The following BCL9 variants were observed in gnomAD, a reference collection of about 807,000 sequenced individuals.
BCL9 encodes B-cell CLL/lymphoma 9 protein.
In BCL9, 25 loss-of-function variants were observed where a neutral mutation model predicts 88.5. The ratio of observed to expected loss-of-function variants is 0.28; its 90% confidence interval spans 0.21 to 0.39. The LOEUF (loss-of-function observed/expected upper bound fraction) is 0.39. Among genes scored for constraint, BCL9 ranks in the 10% least tolerant of loss-of-function variants. The pLI, the probability that BCL9 is intolerant of heterozygous loss-of-function variation, is 1.00. For missense variants in BCL9, 1,817 were observed against 1,877.8 expected, an observed-to-expected ratio of 0.97 and a Z score of 0.60; for synonymous variants, 711 against 673.3, an observed-to-expected ratio of 1.06 and a Z score of -0.87.
chr1:147,611,053 T>G (rs1469093559), intron 3 of BCL9, among the ~76,000 whole-genome samples: 1 of 152,096 alleles, frequency 6.6e-6, no homozygotes, highest in African/African-American at 2.4e-5. Context: ...AGTACCTCCT[T>G]TAAAGTCCCC....
chr1:147,612,162 A>G (rs1158457708), intron 4 of BCL9, among the ~76,000 whole-genome samples: 1 of 152,166 alleles, frequency 6.6e-6, no homozygotes, highest in Non-Finnish European at 1.5e-5. Flanking sequence ...AAAGGACCAT[A>G]GAGACCAACC....
intron 1 of BCL9, among the ~76,000 whole-genome samples, chr1:147,576,691 C>A (rs200950021): frequency 6.6e-6 from 1 of 152,006 alleles, no homozygotes. Context: ...TTCTGTGTGG[C>A]GATTTATCTC....
intron 3 of BCL9, among the ~76,000 whole-genome samples, chr1:147,610,025 A>C (rs1657917890): frequency 6.6e-6 from 1 of 152,120 alleles, no homozygotes; most frequent in Admixed American, 6.6e-5. Flanking sequence ...TCTTTTCCTG[A>C]GGTAAATGTT....
intron 1 of BCL9, among the ~76,000 whole-genome samples, chr1:147,559,350 C>T (rs1553195786): frequency 6.6e-6 from 1 of 152,138 alleles, no homozygotes; most frequent in Non-Finnish European, 1.5e-5. Flanking sequence ...TGTTACCAAT[C>T]CATCAGATTC....
Position 147,558,034 on chromosome 1 carries a change from CCAGT to C in BCL9, c.-478+16363_-478+16366del, listed in dbSNP as rs1321583715. ...CCACTATGAAAGAAAAAAAACATAC[CCAGT>C]CAAACTGTATGTATACCATACACAC... On this transcript the variant is annotated intron_variant, in intron 1 of 9. Coordinates refer to ENST00000234739, the MANE Select transcript of BCL9 (RefSeq NM_004326.4). Among the ~76,000 whole-genome samples the C allele has an allele frequency of 2.0e-5, 3 of 152,134 alleles. No homozygotes were observed. In the East Asian group the frequency reaches 5.8e-4, roughly 29 times the overall value.
intron 6 of BCL9, among the ~76,000 whole-genome samples, chr1:147,615,428 T>C (rs1193193149): frequency 6.6e-6 from 1 of 152,198 alleles, no homozygotes. Context: ...AAAAAGTGAA[T>C]CTTAACAGCC....
intron 1 of BCL9, among the ~76,000 whole-genome samples, chr1:147,580,535 GT>G (rs1553198513): frequency 1.3e-5 from 2 of 152,138 alleles, no homozygotes; most frequent in Non-Finnish European, 2.9e-5. Context: ...ACAGTGGTTT[GT>G]GGTCTTAAAG....
In BCL9 at chr1:147,580,084, C is replaced by T. The variant is rs371577121; in HGVS notation, c.-477-24693C>T. The stretch of plus-strand genomic sequence containing the variant: ...AGCGATGTACAACATGTTTATTCAT[C>T]CTCCCTGCCTCCATGCCATAGGTCT... On this transcript the variant is annotated intron_variant, in intron 1 of 9. Coordinates refer to ENST00000234739, the MANE Select transcript of BCL9 (RefSeq NM_004326.4). Among the ~76,000 whole-genome samples, 29 of 152,284 alleles carry T rather than the reference C, an allele frequency of 1.9e-4. No individual in the cohort carries two copies. The East Asian group carries it at 4.4e-3, about 23-fold the overall frequency.
At chr1:147,573,831 T>A (rs2101535208) in intron 1 of BCL9, among the ~76,000 whole-genome samples, 1 of 152,298 alleles carries the variant, frequency 6.6e-6, no homozygotes, top group South Asian at 2.1e-4. Context: ...AGAGATAACC[T>A]GAACTTAACT....
Position 147,625,042 on chromosome 1 carries a change from T to G in BCL9, c.*83T>G. The G allele has an allele frequency of 6.7e-7, 1 of 1,500,852 alleles. No individual in the cohort carries two copies. The highest frequency in any genetic ancestry group is 2.0e-5 in the Admixed American group (1 of 49,318). The allele number at this position is 1,500,852 out of a possible 1,614,324, so 93.0% of individuals were successfully genotyped here. On this transcript the variant is annotated 3_prime_UTR_variant, in exon 10 of 10. Coordinates refer to ENST00000234739, the MANE Select transcript of BCL9 (RefSeq NM_004326.4). The stretch of plus-strand genomic sequence containing the variant: ...TGCTTTGAGGGAGTTCCAGGAGTAC[T>G]TACTATTGGTCATGCAATAGGAGAA...
chr1:147,604,579 T>C (rs1047805653), intron 1 of BCL9, among the ~76,000 whole-genome samples, 198 bp from the exon 2 acceptor site: 4 of 152,230 alleles, frequency 2.6e-5, no homozygotes, highest in Non-Finnish European at 4.4e-5. Flanking sequence ...GGATTTGGGC[T>C]GCAGTGACCC....
intron 3 of BCL9, among the ~76,000 whole-genome samples, chr1:147,609,220 TG>T (rs1475568057): frequency 7.2e-5 from 11 of 152,328 alleles, no homozygotes; most frequent in Admixed American, 2.6e-4. Flanking sequence ...GTTAAACAGT[TG>T]AACTCTAACC....
Position 147,620,902 on chromosome 1 carries a change from C to T in BCL9, c.2747C>T (p.Ala916Val), listed in dbSNP as rs1553205249. The change falls in exon 8 of 10, where the codon GCT (alanine) becomes GTT (valine). Residue 916 changes from alanine (A) to valine (V), a missense_variant. Transcript: ENST00000234739. ...KSPPVLGSAA[A>V]SPVHLKSPSL... Reference sequence around the variant, plus strand: ...CCCCCTGTTTTGGGGTCTGCTGCTGCTTCACCTGTCCACCTCAAGTCTCCA... The same window carrying T: ...CCCCCTGTTTTGGGGTCTGCTGCTGTTTCACCTGTCCACCTCAAGTCTCCA... 1 of 1,614,182 alleles carries T rather than the reference C, an allele frequency of 6.2e-7. No individual in the cohort carries two copies. The highest frequency in any genetic ancestry group is 2.2e-5 in the East Asian group (1 of 44,878).
At chr1:147,566,858 T>A (rs1424222607) in intron 1 of BCL9, among the ~76,000 whole-genome samples, 2 of 152,198 alleles carry the variant, frequency 1.3e-5, no homozygotes, top group Non-Finnish European at 2.9e-5. Context: ...AAGATACATT[T>A]GGGGTGAAGA....
At position 147,625,015 on chromosome 1, in the gene BCL9, G is replaced by A; in HGVS notation, c.*56G>A. On this transcript the variant is annotated 3_prime_UTR_variant, in exon 10 of 10. Transcript: ENST00000234739. ...CAAGATGAGATTCCAGGTCCTGAGA[G>A]CTGCTTTGAGGGAGTTCCAGGAGTA... The A allele has an allele frequency of 6.4e-7, 1 of 1,560,464 alleles. No homozygotes were observed. Among genetic ancestry groups the A allele is most frequent in the Non-Finnish European group, 8.7e-7 (1 of 1,147,214 alleles).
At chr1:147,599,767 A>G (rs1657255492) in intron 1 of BCL9, among the ~76,000 whole-genome samples, 1 of 150,482 alleles carries the variant, frequency 6.6e-6, no homozygotes, top group Non-Finnish European at 1.5e-5. Context: ...GGCCCGTAGT[A>G]AAATATCGGG....
chr1:147,576,735 TC>T (rs1474851818), intron 1 of BCL9, among the ~76,000 whole-genome samples: 1 of 152,176 alleles, frequency 6.6e-6, no homozygotes, highest in Non-Finnish European at 1.5e-5. Flanking sequence ...GCTGATAGGT[TC>T]CAGTCACTGT....
intron 1 of BCL9, among the ~76,000 whole-genome samples, chr1:147,556,868 A>G (rs1553195517): frequency 6.6e-6 from 1 of 152,194 alleles, no homozygotes; most frequent in Admixed American, 6.5e-5. Context: ...GAATGCCTTG[A>G]AGGTCTAGAT....
At chr1:147,545,110 A>C (rs1553194121) in intron 1 of BCL9, among the ~76,000 whole-genome samples, 2 of 152,166 alleles carry the variant, frequency 1.3e-5, no homozygotes, top group Non-Finnish European at 2.9e-5. Context: ...TTGGGAACCC[A>C]CACATAATGT....
Sources: gnomAD v4.1 joint callset for allele counts (sites outside exome capture counted in the v4.1 genomes callset) on GRCh38, gnomAD v4.1.1 for gene constraint, MANE v1.5 for transcripts, NCBI Gene and HGNC (gene_info 2026-07-23, HGNC 2026-07-21) for gene names.